STK33: variants seen among roughly 807,000 people sequenced by gnomAD.
STK33 encodes serine/threonine-protein kinase 33.
STK33 carries 52 observed loss-of-function variants against 58.0 expected under a neutral mutation model. The ratio of observed to expected loss-of-function variants is 0.90; its 90% CI spans 0.72 to 1.13. The LOEUF is 1.13. Ranked by LOEUF, STK33 falls within the 50% of genes most tolerant of loss-of-function variation. The pLI is 0.00. For missense variants in STK33, 630 were observed against 604.2 expected, an observed-to-expected ratio of 1.04 and a Z score of -0.45; for synonymous variants, 215 against 200.1, an observed-to-expected ratio of 1.07 and a Z score of -0.63.
intron 12 of STK33, among the ~76,000 whole-genome samples, chr11:8,438,554 A>G (rs1944351956): frequency 2.6e-5 from 4 of 152,194 alleles, no homozygotes; most frequent in Admixed American, 1.3e-4. Context: ...CTGATTAGCT[A>G]AGTAAGAGTC....
chr11:8,386,498 G>C, the STK33 span, among the ~76,000 whole-genome samples: 1 of 152,214 alleles, frequency 6.6e-6, no homozygotes, highest in Non-Finnish European at 1.5e-5. Flanking sequence ...AAACAGCAAT[G>C]AGGATCCTGA....
At chr11:8,488,248 C>G (rs1364886767) in intron 1 of STK33, among the ~76,000 whole-genome samples, 7 of 151,958 alleles carry the variant, frequency 4.6e-5, no homozygotes, top group Non-Finnish European at 7.4e-5. Context: ...TCACAGTTGC[C>G]CAAGGCAGTT....
At chr11:8,477,943 A>G (rs1949436894) in intron 2 of STK33, among the ~76,000 whole-genome samples, 1 of 152,182 alleles carries the variant, frequency 6.6e-6, no homozygotes, top group Non-Finnish European at 1.5e-5. Flanking sequence ...ATAATGTTCT[A>G]CTTTCTTACC....
intron 15 of STK33, among the ~76,000 whole-genome samples, chr11:8,405,956 C>A (rs1939082033): frequency 1.3e-5 from 2 of 151,988 alleles, no homozygotes; most frequent in South Asian, 2.1e-4. Flanking sequence ...TCCTGGCTAA[C>A]ATGGTGAAAC....
chr11:8,384,660 C>T, the STK33 span, among the ~76,000 whole-genome samples: 1 of 152,146 alleles, frequency 6.6e-6, no homozygotes, highest in African/African-American at 2.4e-5. Flanking sequence ...GTAGAAAAAA[C>T]GCTGACGTAT....
chr11:8,375,949 A>C, the STK33 span, among the ~76,000 whole-genome samples: 2 of 152,018 alleles, frequency 1.3e-5, no homozygotes, highest in Non-Finnish European at 2.9e-5. Flanking sequence ...TAATACAAGG[A>C]GTCCTAGCCA....
At chr11:8,500,462 A>T (rs1405090622) in intron 1 of STK33, among the ~76,000 whole-genome samples, 3 of 152,182 alleles carry the variant, frequency 2.0e-5, no homozygotes, top group Admixed American at 2.0e-4. Flanking sequence ...GAAATGAAGT[A>T]AACAATTCAA....
intron 14 of STK33, 45 bp downstream of exon 14, chr11:8,435,449 G>A: frequency 9.8e-7 from 1 of 1,015,282 alleles, no homozygotes. Context: ...AAAGAAATGA[G>A]CAATGGTAGC....
chr11:8,477,100 G>T (rs1273431827), intron 3 of STK33, 150 bp downstream of exon 3: 1 of 151,084 alleles, frequency 6.6e-6, no homozygotes, highest in Non-Finnish European at 1.5e-5. Flanking sequence ...CCTCCAGACA[G>T]GCAGAGGAAG....
chr11:8,455,666 C>G (rs560736651), intron 9 of STK33, among the ~76,000 whole-genome samples: 40 of 151,644 alleles, frequency 2.6e-4, no homozygotes, highest in African/African-American at 8.9e-4. Flanking sequence ...AAAAAATCAG[C>G]CAGGCATGGT....
the STK33 span, among the ~76,000 whole-genome samples, chr11:8,369,295 C>CTGTG: frequency 0.15 from 20,474 of 137,590 alleles, 1,946 homozygotes; most frequent in African/African-American, 0.26. Flanking sequence ...GGTTTTTACT[C>CTGTG]TGTGTGTGTG....
intron 1 of STK33, among the ~76,000 whole-genome samples, chr11:8,528,831 A>T (rs1273800041): frequency 6.6e-6 from 1 of 152,208 alleles, no homozygotes; most frequent in Non-Finnish European, 1.5e-5. Context: ...TGGAAGACAA[A>T]CCAAAATGTT....
At chr11:8,502,073 T>C (rs1951555058) in intron 1 of STK33, among the ~76,000 whole-genome samples, 2 of 103,482 alleles carry the variant, frequency 1.9e-5, no homozygotes, top group Admixed American at 1.9e-4. Context: ...GAGATGAAAA[T>C]GTTCTCAATT....
At chr11:8,336,247 G>C in the STK33 span, among the ~76,000 whole-genome samples, 1 of 152,256 alleles carries the variant, frequency 6.6e-6, no homozygotes, top group Non-Finnish European at 1.5e-5. Context: ...AGGGCCAATG[G>C]AGACAACGAC....
At chr11:8,546,647 G>A (rs1276002619) in intron 1 of STK33, among the ~76,000 whole-genome samples, 1 of 149,780 alleles carries the variant, frequency 6.7e-6, no homozygotes, top group East Asian at 2.0e-4. Context: ...TACTTCCATG[G>A]CATTAACTTG....
the STK33 span, among the ~76,000 whole-genome samples, chr11:8,385,599 C>T: frequency 1.3e-5 from 2 of 152,176 alleles, no homozygotes; most frequent in Non-Finnish European, 2.9e-5. Context: ...TTATTTTACG[C>T]ATTTGTATAG....
chr11:8,512,032 C>T (rs150648236), intron 1 of STK33, among the ~76,000 whole-genome samples: 17 of 152,188 alleles, frequency 1.1e-4, no homozygotes, highest in Admixed American at 2.6e-4. Context: ...ATTCCTTCTG[C>T]GCCAACTATT....
chr11:8,539,390 T>C (rs1955322289), intron 1 of STK33, among the ~76,000 whole-genome samples: 1 of 152,076 alleles, frequency 6.6e-6, no homozygotes, highest in African/African-American at 2.4e-5. Flanking sequence ...GATGAGGCCA[T>C]GAGTGATCGT....
chr11:8,526,714 T>A (rs1954056072), intron 1 of STK33, among the ~76,000 whole-genome samples: 2 of 151,498 alleles, frequency 1.3e-5, no homozygotes, highest in African/African-American at 2.4e-5. Flanking sequence ...AATACCTAGG[T>A]ATAAATCTAA....
Sources: allele counts gnomAD v4.1 joint callset (sites outside exome capture counted in the v4.1 genomes callset), GRCh38; gene constraint gnomAD v4.1.1; transcripts MANE v1.5; gene names NCBI Gene and HGNC (gene_info 2026-07-23, HGNC 2026-07-21).